Variants in MCC observed in about 807,000 individuals in gnomAD.
The protein encoded by MCC is MCC regulator of Wnt signaling pathway.
A neutral mutation model predicts 116.2 loss-of-function variants in MCC; 90 were observed. The observed-to-expected ratio is 0.77, with a 90% CI of 0.65 to 0.92. The LOEUF is 0.92. MCC is among the 40% of genes least tolerant of loss of function. The probability of loss-of-function intolerance (pLI) is 0.00; values close to 1 mark genes in which losing one functional copy is unlikely to be tolerated. For missense variants in MCC, 1,516 were observed against 1,312.2 expected, an observed-to-expected ratio of 1.16 and a Z score of -2.40; for synonymous variants, 578 against 510.5, an observed-to-expected ratio of 1.13 and a Z score of -1.78.
intron 5 of MCC, among the ~76,000 whole-genome samples, chr5:113,140,250 T>C (rs774631385): frequency 1.3e-5 from 2 of 152,172 alleles, no homozygotes; most frequent in Non-Finnish European, 2.9e-5. Context: ...TGCCACCTCC[T>C]ACCTGGGATG....
chr5:113,331,492 TGG>T (rs1767695094), intron 3 of MCC, among the ~76,000 whole-genome samples: 2 of 151,750 alleles, frequency 1.3e-5, no homozygotes, highest in African/African-American at 4.9e-5. Context: ...TGTCCTTAGG[TGG>T]ATATTTTGAT....
At chr5:113,053,416 G>A (rs954885352) in intron 15 of MCC, among the ~76,000 whole-genome samples, 20 of 152,148 alleles carry the variant, frequency 1.3e-4, no homozygotes, top group Non-Finnish European at 2.9e-5. Flanking sequence ...TTGAGATTAG[G>A]GGTCAATTTA....
At chr5:113,439,568 A>G (rs952548105) in intron 1 of MCC, among the ~76,000 whole-genome samples, 1 of 152,232 alleles carries the variant, frequency 6.6e-6, no homozygotes, top group Non-Finnish European at 1.5e-5. Context: ...TTGAAGCACT[A>G]GGAAGCAAAA....
chr5:113,452,598 CACAT>C (rs1332925832), intron 1 of MCC, among the ~76,000 whole-genome samples: 2 of 152,204 alleles, frequency 1.3e-5, no homozygotes, highest in Non-Finnish European at 2.9e-5. Context: ...AGAACTGTGA[CACAT>C]TTCTGTCTTT....
chr5:113,287,081 G>C (rs1002001727), intron 3 of MCC, among the ~76,000 whole-genome samples: 1 of 147,308 alleles, frequency 6.8e-6, no homozygotes, highest in African/African-American at 2.4e-5. Context: ...CAGATATATG[G>C]GGGAGGAAAG....
At chr5:113,225,316 A>G (rs1763693248) in intron 3 of MCC, among the ~76,000 whole-genome samples, 1 of 152,202 alleles carries the variant, frequency 6.6e-6, no homozygotes, top group African/African-American at 2.4e-5. Context: ...TAAAGATCTC[A>G]GTTCCAATCC....
At chr5:113,304,883 G>T (rs1442749629) in intron 3 of MCC, among the ~76,000 whole-genome samples, 4 of 151,938 alleles carry the variant, frequency 2.6e-5, no homozygotes, top group African/African-American at 9.7e-5. Flanking sequence ...AAAATTTGGA[G>T]AACATGCTTA....
chr5:113,376,684 C>A (rs1768992567), intron 2 of MCC, among the ~76,000 whole-genome samples: 1 of 147,452 alleles, frequency 6.8e-6, no homozygotes, highest in South Asian at 2.1e-4. Flanking sequence ...TCCATTAAAA[C>A]CATGGAATGG....
chr5:113,456,723 G>A (rs909453287), intron 1 of MCC, among the ~76,000 whole-genome samples: 6 of 143,420 alleles, frequency 4.2e-5, no homozygotes, highest in Admixed American at 2.9e-4. Flanking sequence ...CACCTGCCTC[G>A]GCCTCCCAAA....
intron 6 of MCC, among the ~76,000 whole-genome samples, chr5:113,105,215 A>T (rs936488986): frequency 6.6e-6 from 1 of 152,206 alleles, no homozygotes; most frequent in Non-Finnish European, 1.5e-5. Flanking sequence ...TTCAGAGTAC[A>T]TTCTTCACCT....
At chr5:113,054,840 G>C (rs1469250203) in intron 14 of MCC, among the ~76,000 whole-genome samples, 5 of 152,206 alleles carry the variant, frequency 3.3e-5, no homozygotes, top group South Asian at 2.1e-4. Flanking sequence ...CACCATGAAA[G>C]GGGGAGCACC....
chr5:113,289,646 T>A (rs1766408693), intron 3 of MCC, among the ~76,000 whole-genome samples: 1 of 152,284 alleles, frequency 6.6e-6, no homozygotes, highest in Admixed American at 6.5e-5. Context: ...GGGATGCCCA[T>A]GTTGAAGAGA....
intron 13 of MCC, among the ~76,000 whole-genome samples, chr5:113,066,214 T>G (rs182208706): frequency 6.6e-6 from 1 of 152,198 alleles, no homozygotes; most frequent in Non-Finnish European, 1.5e-5. Flanking sequence ...AGTAGGTACA[T>G]GCCTAATGAA....
intron 5 of MCC, among the ~76,000 whole-genome samples, chr5:113,141,680 T>A (rs1475785842): frequency 6.6e-6 from 1 of 152,168 alleles, no homozygotes; most frequent in Non-Finnish European, 1.5e-5. Flanking sequence ...CAGAATTTAA[T>A]ATGACATCTC....
chr5:113,269,053 G>T, intron 3 of MCC: 1 of 514,946 alleles, frequency 1.9e-6, no homozygotes, highest in Non-Finnish European at 2.5e-6. Flanking sequence ...TAAGAAGGCA[G>T]CAGCACAAAC....
chr5:113,192,973 G>A (rs533556307), intron 3 of MCC, among the ~76,000 whole-genome samples: 5 of 152,260 alleles, frequency 3.3e-5, no homozygotes, highest in East Asian at 1.9e-4. Flanking sequence ...AAACCATTTC[G>A]TTAGGCCTAA....
intron 1 of MCC, among the ~76,000 whole-genome samples, chr5:113,460,076 GA>G (rs1263422423): frequency 3.3e-5 from 5 of 152,146 alleles, no homozygotes; most frequent in Non-Finnish European, 7.3e-5. Flanking sequence ...TCCCTTGTAT[GA>G]AAACAGATGT....
chr5:113,314,624 G>A (rs961830179), intron 3 of MCC, among the ~76,000 whole-genome samples: 2 of 152,254 alleles, frequency 1.3e-5, no homozygotes, highest in South Asian at 4.2e-4. Flanking sequence ...GTCTTGTTCT[G>A]TCACCCAGGC....
intron 3 of MCC, among the ~76,000 whole-genome samples, chr5:113,233,825 T>C (rs994694093): frequency 6.6e-6 from 1 of 152,202 alleles, no homozygotes; most frequent in Admixed American, 6.5e-5. Flanking sequence ...CTATGAAATT[T>C]TGTCAGTCTA....
Sources: gnomAD v4.1 joint callset for allele counts (sites outside exome capture counted in the v4.1 genomes callset) on GRCh38, gnomAD v4.1.1 for gene constraint, MANE v1.5 for transcripts, NCBI Gene and HGNC (gene_info 2026-07-23, HGNC 2026-07-21) for gene names.